Variants in DRC3 observed in about 807,000 individuals in gnomAD.
The protein encoded by DRC3 is leucine rich repeat containing 48.
DRC3 carries 45 observed loss-of-function variants against 57.6 expected under a neutral mutation model. That is an observed-to-expected ratio of 0.78 (90% CI 0.62 to 1.00). DRC3 has a LOEUF of 1.00. DRC3 is among the 50% of genes least tolerant of loss of function. DRC3 has a pLI of 0.00. For synonymous variants in DRC3, 257 were observed against 272.3 expected (o/e 0.94, Z 0.55); for missense variants, 655 against 675.2 (o/e 0.97, Z 0.33).
Position 18,008,980 on chromosome 17 carries a change from C to T in DRC3, c.1326+1833C>T, listed in dbSNP as rs891155151. Among the ~76,000 whole-genome samples the T allele has an allele frequency of 6.6e-6, 1 of 152,184 alleles. No individual in the cohort carries two copies. The highest frequency in any genetic ancestry group is 2.4e-5 in the African/African-American group (1 of 41,450). On this transcript the variant is annotated intron_variant, in intron 12 of 13. Coordinates refer to ENST00000399187, the MANE Select transcript of DRC3 (RefSeq NM_031294.4). The surrounding 1 kb of genome is among the most constrained non-coding windows in gnomAD (Gnocchi z 4.3). ...TTTCAGTGGCCAGCCCTCCCTCCAG[C>T]CCAGCTGGCTCTGCCTGGTGCCAGC...
At chr17:18,005,997 GAAC>G (rs887809345) in intron 10 of DRC3, 183 bp from the exon 11 acceptor site, 7 of 590,714 alleles carry the variant, frequency 1.2e-5, no homozygotes, top group Middle Eastern at 2.6e-4. Context: ...TATGGTTGGA[GAAC>G]AACAACTTTA....
At chr17:17,988,864 C>T (rs1055326272) in intron 5 of DRC3, among the ~76,000 whole-genome samples, 3 of 152,162 alleles carry the variant, frequency 2.0e-5, no homozygotes. Flanking sequence ...CCAGGAGGCA[C>T]TGTAGTCTCG....
rs761390086 is a variant in DRC3 at position 18,004,464 on chromosome 17, G to A, written c.1101G>A (p.Thr367=). 18 of 1,611,196 alleles carry A rather than the reference G, an allele frequency of 1.1e-5. No individual in the cohort carries two copies. The highest frequency in any genetic ancestry group is 6.7e-5 in the South Asian group (6 of 90,220). The change falls in exon 10 of 14, where the codon ACG becomes ACA. Residue 367 remains threonine (T), a synonymous_variant. Coordinates refer to ENST00000399187, the MANE Select transcript of DRC3 (RefSeq NM_031294.4). The part of the protein sequence containing the change: ...DISELFDALM[T]LEMQLVEQLE... ...GTGAGTTGTTCGATGCGCTCATGAC[G>A]CTGGAGATGCAGCTGGTGGAGCAGC...
intron 12 of DRC3, chr17:18,011,780 C>G: frequency 5.1e-6 from 1 of 194,808 alleles, no homozygotes; most frequent in Non-Finnish European, 1.1e-5. Context: ...AAGACCCACA[C>G]CAGAGTCTCT....
chr17:18,007,669 G>C, intron 12 of DRC3: 10 of 1,353,002 alleles, frequency 7.4e-6, no homozygotes, highest in Non-Finnish European at 9.5e-6. Context: ...ACGCTAAGAA[G>C]GCTCTCCCGG....
intron 10 of DRC3, chr17:18,005,830 G>T: frequency 3.6e-6 from 1 of 278,450 alleles, no homozygotes; most frequent in Non-Finnish European, 7.0e-6. Context: ...CTGTTTCCCT[G>T]GAGGTGATGC....
chr17:17,974,987 G>A (rs2042314650), intron 2 of DRC3, among the ~76,000 whole-genome samples: 1 of 152,210 alleles, frequency 6.6e-6, no homozygotes, highest in South Asian at 2.1e-4. Flanking sequence ...GATAGGTGAA[G>A]TGAGTTGCCA....
chr17:17,994,266 C>G, intron 6 of DRC3, 33 bp from the exon 7 acceptor site: 1 of 1,546,808 alleles, frequency 6.5e-7, no homozygotes, highest in Middle Eastern at 1.7e-4. Context: ...GGAGGAACCT[C>G]TGGTAACAAT....
chr17:17,992,929 A>G lies in DRC3; in HGVS notation c.591+18A>G. ...ACCACACAGCAAGTGTCTCCCTCTC[A>G]GTCTCCCAGCCCTGTGAGACAGATT... On this transcript the variant is annotated intron_variant, in intron 6 of 13. Coordinates refer to ENST00000399187, the MANE Select transcript of DRC3 (RefSeq NM_031294.4). 1 of 1,613,660 alleles carries G rather than the reference A, an allele frequency of 6.2e-7. No homozygotes were observed. The highest frequency in any genetic ancestry group is 1.3e-5 in the African/African-American group (1 of 75,004).
intron 5 of DRC3, among the ~76,000 whole-genome samples, chr17:17,990,189 C>T (rs955743491): frequency 2.6e-5 from 4 of 152,234 alleles, no homozygotes; most frequent in Admixed American, 6.5e-5. Context: ...CACTGACCCT[C>T]AGCCTAACAT....
At chr17:17,996,799 C>T (rs1260838997) in intron 8 of DRC3, among the ~76,000 whole-genome samples, 2 of 152,190 alleles carry the variant, frequency 1.3e-5, no homozygotes, top group Non-Finnish European at 2.9e-5. Flanking sequence ...CATTTCATCT[C>T]TCTGGGCATC....
chr17:17,996,050 C>T (rs553401237), intron 8 of DRC3, among the ~76,000 whole-genome samples: 23 of 152,278 alleles, frequency 1.5e-4, no homozygotes, highest in African/African-American at 5.5e-4. Context: ...GACAGCGTTG[C>T]GCTGTTGTTG....
chr17:18,001,938 G>A (rs142100003), intron 9 of DRC3, among the ~76,000 whole-genome samples: 6,355 of 151,034 alleles, frequency 0.042, 132 homozygotes, highest in African/African-American at 0.049. Flanking sequence ...AGACCAAGGC[G>A]GGCGGGTCAC....
At chr17:17,975,274 C>T (rs1385000967) in intron 2 of DRC3, among the ~76,000 whole-genome samples, 4 of 149,474 alleles carry the variant, frequency 2.7e-5, no homozygotes, top group Admixed American at 6.7e-5. Context: ...CAGTGGTGCA[C>T]GATCTCGGCT....
chr17:17,997,855 G>A lies in DRC3; in HGVS notation c.999+221G>A, dbSNP rs536359393. Among the ~76,000 whole-genome samples the A allele has an allele frequency of 3.9e-5, 6 of 152,260 alleles. No individual in the cohort carries two copies. In the East Asian group the frequency reaches 7.7e-4, roughly 20 times the overall value. On this transcript the variant is annotated intron_variant, in intron 9 of 13. Transcript: ENST00000399187. ...CAACCACAGCTCCCCACTGCTTGAC[G>A]TGTGGCCTGTGGGTCTTTGTCACAC...
Position 17,987,818 on chromosome 17 carries a change from C to T in DRC3, c.278-114C>T. ...ATTAGACAGTGAGTCAAATTCTGGC[C>T]CTGGCAGCTTGGTGCTGGCTCACAG... On this transcript the variant is annotated intron_variant, in intron 4 of 13. Transcript: ENST00000399187. 5.5e-6 allele frequency: 6 copies of T among 1,092,602 alleles called. No individual in the cohort carries two copies. In the South Asian group the frequency reaches 9.3e-5, roughly 17 times the overall value. 67.7% of individuals were successfully genotyped at this position (1,092,602 alleles called of 1,614,324 possible).
At chr17:18,016,493 G>A in intron 13 of DRC3, 65 bp from the exon 14 acceptor site, 1 of 1,207,274 alleles carries the variant, frequency 8.3e-7, no homozygotes, top group Non-Finnish European at 1.2e-6. Flanking sequence ...CCTCAAACTG[G>A]ATTCAGTGAA....
intron 9 of DRC3, among the ~76,000 whole-genome samples, chr17:17,998,767 T>C (rs2043568241): frequency 6.6e-6 from 1 of 152,194 alleles, no homozygotes; most frequent in South Asian, 2.1e-4. Flanking sequence ...CCTTGTTATA[T>C]TTTAGGGAGC....
At chr17:17,981,386 G>A (rs888937112) in intron 3 of DRC3, 4 of 183,596 alleles carry the variant, frequency 2.2e-5, no homozygotes, top group Non-Finnish European at 1.2e-5. Flanking sequence ...GTCCAGCTGT[G>A]GTCATTGTAG....
Sources: allele counts gnomAD v4.1 joint callset (sites outside exome capture counted in the v4.1 genomes callset), GRCh38; gene constraint gnomAD v4.1.1; non-coding constraint Gnocchi (gnomAD v3.1); transcripts MANE v1.5; gene names NCBI Gene and HGNC (gene_info 2026-07-23, HGNC 2026-07-21).